DDX4: variants seen among roughly 807,000 people sequenced by gnomAD.
DDX4 encodes the protein DEAD-box helicase 4.
In DDX4, 25 loss-of-function variants were observed where a neutral mutation model predicts 100.0. The ratio of observed to expected loss-of-function variants is 0.25; its 90% CI spans 0.18 to 0.35. DDX4 has a LOEUF of 0.35. DDX4 is among the 10% of genes least tolerant of loss of function. DDX4 has a pLI of 1.00. For synonymous variants in DDX4, 259 were observed against 275.7 expected, an observed-to-expected ratio of 0.94 and a Z score of 0.60; for missense variants, 635 against 882.4, an observed-to-expected ratio of 0.72 and a Z score of 3.55.
At chr5:55,799,003 C>A (rs1333915670) in intron 18 of DDX4, among the ~76,000 whole-genome samples, 1 of 152,116 alleles carries the variant, frequency 6.6e-6, no homozygotes, top group Admixed American at 6.5e-5. Context: ...GGCTTAAGAT[C>A]TAGTTCTCTT....
chr5:55,777,264 A>G (rs757599201), intron 7 of DDX4, among the ~76,000 whole-genome samples: 10 of 152,164 alleles, frequency 6.6e-5, no homozygotes, highest in African/African-American at 9.7e-5. Flanking sequence ...TAAAAGACCT[A>G]TGTATCAGTA....
At chr5:55,808,293 A>T (rs1167989464) in intron 18 of DDX4, among the ~76,000 whole-genome samples, 2 of 151,808 alleles carry the variant, frequency 1.3e-5, no homozygotes, top group African/African-American at 4.8e-5. Flanking sequence ...TAGTTTGATC[A>T]TCTGATGCCT....
In DDX4 at chr5:55,763,189, A is replaced by G. The variant is rs1433709104; in HGVS notation, c.220A>G (p.Asn74Asp). The G allele has an allele frequency of 6.2e-7, 1 of 1,611,402 alleles. No homozygotes were observed. The highest frequency in any genetic ancestry group is 1.7e-5 in the Admixed American group (1 of 59,996). ...NFGNRDAGEC[N>D]KRDNTSTMGG... ...CCCTTTTTCAGATGCTGGTGAGTGTAATAAGCGAGATAATACATCCACAAT... is the reference window on the plus strand; with the variant it reads ...CCCTTTTTCAGATGCTGGTGAGTGTGATAAGCGAGATAATACATCCACAAT... Residue 74 changes from asparagine (N) to aspartate (D), a missense_variant, in exon 5 of 22, where the codon AAT becomes GAT. By Grantham distance (23) the Asn-to-Asp change is conservative (BLOSUM62 1). This residue lies in a region of DDX4 where 446 missense variants were observed against 540.8 expected (regional missense o/e 0.82). Transcript: ENST00000505374.
rs17854462 is a variant in DDX4 at position 55,798,543 on chromosome 5, A to G, written c.1587A>G (p.Glu529=). 2 of 1,609,420 alleles carry G rather than the reference A, an allele frequency of 1.2e-6. No homozygotes were observed. Among genetic ancestry groups the G allele is most frequent in the Non-Finnish European group, 1.7e-6 (2 of 1,177,572 alleles). ...AAGTTGGCCAGTTCTCAAAAAGAGA[A>G]AAGCTCGTTGAAATTCTGCGAAACA... ...VLQVGQFSKR[E]KLVEILRNIG... is the part of the protein sequence containing the mutation. Residue 529 remains glutamate (E), a synonymous_variant, in exon 18 of 22, where the codon GAA becomes GAG. Coordinates refer to ENST00000505374, the MANE Select transcript of DDX4 (RefSeq NM_024415.3).
At chr5:55,757,741 A>G (rs943460388) in intron 3 of DDX4, among the ~76,000 whole-genome samples, 1 of 152,008 alleles carries the variant, frequency 6.6e-6, no homozygotes, top group Non-Finnish European at 1.5e-5. Context: ...TTGAACCACC[A>G]CTAATTTTAA....
chr5:55,775,938 T>A (rs1465915956), intron 7 of DDX4, among the ~76,000 whole-genome samples: 2 of 152,134 alleles, frequency 1.3e-5, no homozygotes, highest in African/African-American at 4.8e-5. Context: ...CTGGCCAACA[T>A]GTTAAAACCC....
In DDX4 at chr5:55,806,271, C is replaced by T. The variant is rs1743707680; in HGVS notation, c.1616-7402C>T. Reference sequence around the variant, plus strand: ...CAATTTTGTTGATCTTTTCAAAAAACCAGCTCCTGGATTCATTGATTTTTT... The same window carrying T: ...CAATTTTGTTGATCTTTTCAAAAAATCAGCTCCTGGATTCATTGATTTTTT... On this transcript the variant is annotated intron_variant, in intron 18 of 21. Transcript: ENST00000505374. Among the ~76,000 whole-genome samples the T allele has an allele frequency of 3.9e-5, 6 of 152,226 alleles. No homozygotes were observed. In the South Asian group the frequency reaches 1.2e-3, roughly 32 times the overall value.
rs116979036 is a variant in DDX4, at chr5:55,785,665, A to G, written c.722-64A>G. The G allele has an allele frequency of 9.5e-4, 1,392 of 1,464,202 alleles. 20 individuals are homozygous for G. The East Asian group carries it at 0.022, about 24-fold the overall frequency. The allele number at this position is 1,464,202 out of a possible 1,614,324, so 90.7% of individuals were successfully genotyped here. On this transcript the variant is annotated intron_variant, in intron 12 of 21. Coordinates refer to ENST00000505374, the MANE Select transcript of DDX4 (RefSeq NM_024415.3). Reference sequence around the variant, plus strand: ...AATTTGATCTTGTCAATTTTTGTCTATTTTCTCTTATATTTTCTTGTAGTC... The same window carrying G: ...AATTTGATCTTGTCAATTTTTGTCTGTTTTCTCTTATATTTTCTTGTAGTC...
At chr5:55,807,095 T>C (rs1743780439) in intron 18 of DDX4, among the ~76,000 whole-genome samples, 1 of 152,214 alleles carries the variant, frequency 6.6e-6, no homozygotes, top group African/African-American at 2.4e-5. Flanking sequence ...TTTGTCTCTT[T>C]TGTTCTTTTT....
chr5:55,767,378 G>T (rs1028093127), intron 6 of DDX4, among the ~76,000 whole-genome samples: 1 of 152,234 alleles, frequency 6.6e-6, no homozygotes, highest in African/African-American at 2.4e-5. Flanking sequence ...GGAGGCGGAG[G>T]TTGCAGTGAG....
intron 3 of DDX4, among the ~76,000 whole-genome samples, chr5:55,755,184 A>G (rs1244754658): frequency 2.0e-5 from 3 of 152,182 alleles, no homozygotes; most frequent in Non-Finnish European, 4.4e-5. Context: ...AAAGCATTGG[A>G]TAAAATCTAC....
At chr5:55,770,617 G>A (rs138113301) in intron 7 of DDX4, among the ~76,000 whole-genome samples, 118 of 152,194 alleles carry the variant, frequency 7.8e-4, no homozygotes, top group African/African-American at 2.6e-3. Flanking sequence ...TGTTTTTACC[G>A]CACCTTGGAG....
intron 18 of DDX4, among the ~76,000 whole-genome samples, chr5:55,812,517 T>C (rs1744177882): frequency 8.3e-6 from 1 of 120,914 alleles, no homozygotes; most frequent in Admixed American, 8.6e-5. Context: ...TGAGCCGAGA[T>C]TGTGCCACTG....
At chr5:55,758,778 C>T (rs184037566) in intron 3 of DDX4, among the ~76,000 whole-genome samples, 11 of 148,432 alleles carry the variant, frequency 7.4e-5, no homozygotes, top group African/African-American at 2.7e-4. Context: ...TATTAGTCCT[C>T]TAGTAGTTGG....
In DDX4 at chr5:55,816,676, A is replaced by G; in HGVS notation, c.*136A>G. On this transcript the variant is annotated 3_prime_UTR_variant, in exon 22 of 22. Transcript: ENST00000505374. ...GTATTCTCACTCCTACACTTAAAAAAAAAATCCTTACTGACTAGTTATGTG... is the reference window on the plus strand; with the variant it reads ...GTATTCTCACTCCTACACTTAAAAAGAAAATCCTTACTGACTAGTTATGTG... 1 of 1,410,314 alleles carries G rather than the reference A, an allele frequency of 7.1e-7. No homozygotes were observed. Among genetic ancestry groups the G allele is most frequent in the Non-Finnish European group, 9.3e-7 (1 of 1,071,562 alleles). 87.4% of individuals were successfully genotyped at this position (1,410,314 alleles called of 1,614,324 possible).
intron 7 of DDX4, among the ~76,000 whole-genome samples, chr5:55,775,482 A>G (rs1300655978): frequency 6.6e-6 from 1 of 152,178 alleles, no homozygotes; most frequent in African/African-American, 2.4e-5. Flanking sequence ...TAGAGTTTGG[A>G]AAAAGTTAAT....
intron 17 of DDX4, 109 bp downstream of exon 17, chr5:55,792,916 ATATAGGTAGTT>A: frequency 3.1e-6 from 2 of 641,660 alleles, no homozygotes; most frequent in Non-Finnish European, 2.1e-6. Flanking sequence ...TAAGATTTTA[ATATAGGTAGTT>A]TAAAAAGTAG....
intron 17 of DDX4, among the ~76,000 whole-genome samples, chr5:55,795,522 C>A (rs1742876231): frequency 1.3e-5 from 2 of 152,222 alleles, no homozygotes; most frequent in African/African-American, 4.8e-5. Flanking sequence ...ATAATCCCAA[C>A]ACTTTGGGAG....
intron 3 of DDX4, among the ~76,000 whole-genome samples, chr5:55,749,431 C>CTTT (rs1759419955): frequency 6.6e-6 from 1 of 152,030 alleles, no homozygotes; most frequent in Admixed American, 6.6e-5. Context: ...AACCCTGTCT[C>CTTT]TTAAAAAAAA....
Sources: gnomAD v4.1 joint callset for allele counts (sites outside exome capture counted in the v4.1 genomes callset) on GRCh38, gnomAD v4.1.1 for gene constraint, gnomAD v4.1.1 regional missense constraint, MANE v1.5 for transcripts, NCBI Gene and HGNC (gene_info 2026-07-23, HGNC 2026-07-21) for gene names.